The following DDAH1 variants were observed in gnomAD, a reference collection of about 807,000 sequenced individuals.
DDAH1 encodes the protein dimethylarginine dimethylaminohydrolase 1.
DDAH1 carries 19 observed loss-of-function variants against 28.8 expected under a neutral mutation model. The ratio of observed to expected loss-of-function variants is 0.66; its 90% CI spans 0.46 to 0.97. The LOEUF is 0.97. Ranked by LOEUF, DDAH1 falls within the 50% of genes least tolerant of loss-of-function variation. The probability of loss-of-function intolerance (pLI) is 0.00; values close to 1 mark genes in which losing one functional copy is unlikely to be tolerated. For missense variants in DDAH1, 326 were observed against 375.9 expected (o/e 0.87, Z 1.10); for synonymous variants, 153 against 154.4 (o/e 0.99, Z 0.07).
intron 2 of DDAH1, among the ~76,000 whole-genome samples, chr1:85,472,862 C>T (rs895324198): frequency 1.3e-5 from 2 of 152,114 alleles, no homozygotes; most frequent in East Asian, 1.9e-4. Context: ...TTCAGCCCTT[C>T]CCACCTCCCC....
chr1:85,527,524 G>A (rs1473845501), intron 1 of DDAH1, among the ~76,000 whole-genome samples: 2 of 152,164 alleles, frequency 1.3e-5, no homozygotes, highest in Non-Finnish European at 2.9e-5. Context: ...GAGAGATGGA[G>A]GAAGAAATCA....
At chr1:85,491,963 T>A (rs1440679089) in intron 2 of DDAH1, among the ~76,000 whole-genome samples, 2 of 152,214 alleles carry the variant, frequency 1.3e-5, no homozygotes, top group Non-Finnish European at 2.9e-5. Flanking sequence ...TAATAGCAGC[T>A]ACTTATTTAG....
At chr1:85,542,164 T>A (rs184323235) in intron 1 of DDAH1, among the ~76,000 whole-genome samples, 24 of 152,320 alleles carry the variant, frequency 1.6e-4, no homozygotes, top group African/African-American at 5.3e-4. Context: ...TTAATCCAGA[T>A]TTTCTTACTT....
At chr1:85,364,580 T>G (rs1649965272) in intron 1 of DDAH1, among the ~76,000 whole-genome samples, 1 of 151,856 alleles carries the variant, frequency 6.6e-6, no homozygotes, top group African/African-American at 2.4e-5. Context: ...AGAGTTTCAC[T>G]CTTTTTGCCC....
intron 1 of DDAH1, among the ~76,000 whole-genome samples, chr1:85,557,606 C>T (rs967866351): frequency 1.3e-5 from 2 of 152,054 alleles, no homozygotes; most frequent in African/African-American, 4.8e-5. Context: ...AGAGAAGAAC[C>T]GAACTTAGTG....
chr1:85,570,338 ACCTCCCTTCT>A (rs1659414490), intron 1 of DDAH1, among the ~76,000 whole-genome samples: 1 of 140,670 alleles, frequency 7.1e-6, no homozygotes. Flanking sequence ...TTGATCCTTA[ACCTCCCTTCT>A]CCAGCACACA....
At chr1:85,546,131 C>CAAAA (rs111839145) in intron 1 of DDAH1, among the ~76,000 whole-genome samples, 6 of 136,216 alleles carry the variant, frequency 4.4e-5, no homozygotes, top group South Asian at 2.4e-4. Flanking sequence ...AATGTGTCTC[C>CAAAA]AAAAAAAAAA....
intron 1 of DDAH1, among the ~76,000 whole-genome samples, chr1:85,517,698 A>C (rs1350612830): frequency 1.3e-5 from 2 of 152,066 alleles, no homozygotes; most frequent in African/African-American, 4.8e-5. Flanking sequence ...ACAAATAAAT[A>C]TCTACACATC....
intron 1 of DDAH1, among the ~76,000 whole-genome samples, chr1:85,456,833 A>G (rs1296310696): frequency 6.6e-6 from 1 of 152,212 alleles, no homozygotes; most frequent in Non-Finnish European, 1.5e-5. Context: ...GAATATACTG[A>G]TAACTTACAG....
intron 1 of DDAH1, among the ~76,000 whole-genome samples, chr1:85,533,434 A>G (rs1419574460): frequency 5.3e-5 from 8 of 152,144 alleles, no homozygotes; most frequent in African/African-American, 1.7e-4. Flanking sequence ...GATTACAAGC[A>G]TGAGCCACCA....
upstream of DDAH1, among the ~76,000 whole-genome samples, chr1:85,466,559 G>A (rs1003185992): frequency 1.3e-5 from 2 of 152,016 alleles, no homozygotes; most frequent in Non-Finnish European, 2.9e-5. Context: ...CAAATTTGAG[G>A]AGTCTCAAGG....
chr1:85,557,786 G>A (rs1659018019), intron 1 of DDAH1, among the ~76,000 whole-genome samples: 1 of 152,136 alleles, frequency 6.6e-6, no homozygotes, highest in Non-Finnish European at 1.5e-5. Flanking sequence ...CTTACAGGAA[G>A]AGGAAATTTG....
chr1:85,360,834 G>A (rs925071757), intron 1 of DDAH1, among the ~76,000 whole-genome samples: 3 of 152,118 alleles, frequency 2.0e-5, no homozygotes, highest in African/African-American at 4.8e-5. Flanking sequence ...AGGATAAAAT[G>A]TTTGTGCTTT....
intron 1 of DDAH1, among the ~76,000 whole-genome samples, chr1:85,436,066 G>A (rs1206067190): frequency 1.3e-5 from 2 of 151,874 alleles, no homozygotes; most frequent in East Asian, 1.9e-4. Flanking sequence ...CTCCCAAAGT[G>A]CAGGAATTGC....
chr1:85,409,245 C>A (rs1327651891), intron 1 of DDAH1, among the ~76,000 whole-genome samples: 1 of 152,066 alleles, frequency 6.6e-6, no homozygotes, highest in Non-Finnish European at 1.5e-5. Context: ...ATTGGACACC[C>A]CTGGTCCAGA....
intron 1 of DDAH1, among the ~76,000 whole-genome samples, chr1:85,574,709 A>C (rs1237350630): frequency 6.6e-6 from 1 of 152,198 alleles, no homozygotes; most frequent in Non-Finnish European, 1.5e-5. Context: ...AGCTCTGAAT[A>C]AATCTGGGAT....
At chr1:85,528,756 AC>A (rs1484497798) in intron 1 of DDAH1, among the ~76,000 whole-genome samples, 3 of 152,234 alleles carry the variant, frequency 2.0e-5, no homozygotes, top group Non-Finnish European at 4.4e-5. Context: ...TGGGCGGATC[AC>A]AAGGTCAGGA....
At chr1:85,406,421 G>A (rs1652406092) in intron 1 of DDAH1, among the ~76,000 whole-genome samples, 2 of 152,160 alleles carry the variant, frequency 1.3e-5, no homozygotes, top group African/African-American at 4.8e-5. Flanking sequence ...TCAGCAAAAT[G>A]AAATAGTAAC....
intron 1 of DDAH1, among the ~76,000 whole-genome samples, chr1:85,519,394 G>GA (rs1394418891): frequency 6.6e-6 from 1 of 152,056 alleles, no homozygotes; most frequent in Non-Finnish European, 1.5e-5. Flanking sequence ...TTGGCTTAGG[G>GA]AAAAAACGGA....
Sources: allele counts gnomAD v4.1 joint callset (sites outside exome capture counted in the v4.1 genomes callset), GRCh38; gene constraint gnomAD v4.1.1; transcripts MANE v1.5; gene names NCBI Gene and HGNC (gene_info 2026-07-23, HGNC 2026-07-21).